Variants in NBEA observed in about 807,000 individuals in gnomAD.
NBEA encodes lysosomal-trafficking regulator 2.
Under a neutral mutation model 343.4 loss-of-function variants are expected in NBEA, and 44 were observed. The observed-to-expected ratio is 0.13, with a 90% CI of 0.10 to 0.16. The LOEUF (loss-of-function observed/expected upper bound fraction) is 0.16. Ranked by LOEUF, NBEA falls within the 10% of genes least tolerant of loss-of-function variation. The probability of loss-of-function intolerance (pLI) is 1.00; values close to 1 mark genes in which losing one functional copy is unlikely to be tolerated. For synonymous variants in NBEA, 1,175 were observed against 1,238.7 expected (o/e 0.95, Z 1.08); for missense variants, 2,555 against 3,631.3 (o/e 0.70, Z 7.62).
intron 48 of NBEA, among the ~76,000 whole-genome samples, chr13:35,623,242 T>G (rs745932527): frequency 9.9e-5 from 15 of 152,164 alleles, no homozygotes; most frequent in Admixed American, 2.0e-4. Context: ...CAAATAGGTT[T>G]GTATATAAAA....
At chr13:35,271,912 A>G (rs2034191049) in intron 34 of NBEA, among the ~76,000 whole-genome samples, 1 of 152,200 alleles carries the variant, frequency 6.6e-6, no homozygotes, top group Admixed American at 6.5e-5. Context: ...AAAGAATGGA[A>G]CCAAGTTAGA....
rs1286256019 is a variant in NBEA at position 35,646,359 on chromosome 13, TC to T, written c.7770+12del. 2 of 1,602,954 alleles carry T rather than the reference TC, an allele frequency of 1.2e-6. No homozygotes were observed. Among genetic ancestry groups the T allele is most frequent in the African/African-American group, 2.7e-5 (2 of 74,684 alleles). On this transcript the variant is annotated intron_variant, in intron 51 of 58. Transcript: ENST00000379939. ...TCTGCCATGCACCTGGTAAGACATA[TC>T]AGCATGTTGAGATTTTTTTTTCTTT...
At chr13:35,600,237 A>G (rs2081988117) in intron 47 of NBEA, among the ~76,000 whole-genome samples, 1 of 152,226 alleles carries the variant, frequency 6.6e-6, no homozygotes, top group African/African-American at 2.4e-5. Flanking sequence ...GCAGCTGGTC[A>G]GAAACCAAAT....
intron 17 of NBEA, among the ~76,000 whole-genome samples, chr13:35,134,475 A>G (rs2067609758): frequency 6.6e-6 from 1 of 151,988 alleles, no homozygotes; most frequent in African/African-American, 2.4e-5. Flanking sequence ...AAATAAAAAA[A>G]GAAATTATGC....
At chr13:35,361,759 C>G (rs1207109199) in intron 38 of NBEA, among the ~76,000 whole-genome samples, 2 of 151,880 alleles carry the variant, frequency 1.3e-5, no homozygotes, top group African/African-American at 2.4e-5. Flanking sequence ...AAACCATAGA[C>G]TGGGAAAAAA....
intron 18 of NBEA, among the ~76,000 whole-genome samples, chr13:35,143,903 CA>C (rs78818842): frequency 0.042 from 5,491 of 129,450 alleles, 178 homozygotes; most frequent in African/African-American, 0.092. Context: ...AAAAAAAAAA[CA>C]AAAAAAAAAA....
chr13:35,184,875 T>C (rs1164678280), intron 30 of NBEA, among the ~76,000 whole-genome samples: 1 of 152,258 alleles, frequency 6.6e-6, no homozygotes, highest in African/African-American at 2.4e-5. Flanking sequence ...CTGTGATAGC[T>C]CCAAGATTTT....
At position 35,161,912 on chromosome 13, in the gene NBEA, C is replaced by T. The variant is rs752210726; in HGVS notation, c.4024C>T (p.Arg1342Trp). ...GTTTAAATGGTCTCCAATGCACCAG[C>T]GGCTTCTCACTGATTTACTATTTGC... ...PEFKWSPMHQ[R>W]LLTDLLFALE... The change falls in exon 23 of 59, where the codon CGG becomes TGG. Residue 1342 changes from arginine (R) to tryptophan (W), a missense_variant. Arg to Trp is a moderately radical substitution (Grantham distance 101). Around this residue, in one of 21 missense-constraint regions of NBEA, gnomAD observed 69 missense variants for 128.8 expected, o/e 0.54. Transcript: ENST00000379939. The T allele has an allele frequency of 8.9e-6, 14 of 1,566,816 alleles. No individual in the cohort carries two copies. Among genetic ancestry groups the T allele is most frequent in the African/African-American group, 1.4e-5 (1 of 73,592 alleles).
intron 38 of NBEA, among the ~76,000 whole-genome samples, chr13:35,372,371 G>A (rs1170965295): frequency 6.6e-6 from 1 of 152,176 alleles, no homozygotes; most frequent in African/African-American, 2.4e-5. Flanking sequence ...GCCCCCATGG[G>A]AAGTACTCAG....
chr13:35,627,714 CTG>C (rs1233385861), intron 48 of NBEA, among the ~76,000 whole-genome samples: 2 of 151,962 alleles, frequency 1.3e-5, no homozygotes, highest in Non-Finnish European at 2.9e-5. Context: ...AGAAATGAAA[CTG>C]TAACATGGTA....
intron 1 of NBEA, among the ~76,000 whole-genome samples, chr13:34,971,821 T>C (rs1305415466): frequency 5.6e-5 from 8 of 142,166 alleles, no homozygotes; most frequent in Admixed American, 4.8e-4. Flanking sequence ...TTTCTTTTCT[T>C]TTTTTTTTTT....
intron 1 of NBEA, among the ~76,000 whole-genome samples, chr13:35,010,792 G>C (rs2061472778): frequency 7.4e-6 from 1 of 134,526 alleles, no homozygotes; most frequent in South Asian, 2.4e-4. Flanking sequence ...GCTGGGTGTG[G>C]TGGTGCACAC....
At chr13:35,118,586 T>C in intron 16 of NBEA, 112 bp downstream of exon 16, 1 of 789,510 alleles carries the variant, frequency 1.3e-6, no homozygotes, top group African/African-American at 1.7e-5. Context: ...GTCTTGCACA[T>C]AAGAGAATAA....
intron 34 of NBEA, among the ~76,000 whole-genome samples, chr13:35,285,301 A>C (rs2035348264): frequency 6.6e-6 from 1 of 152,106 alleles, no homozygotes; most frequent in Non-Finnish European, 1.5e-5. Context: ...ACTCCAGCCC[A>C]GGTGACAGAG....
At chr13:35,547,744 C>T (rs181152539) in intron 41 of NBEA, among the ~76,000 whole-genome samples, 181 of 152,070 alleles carry the variant, frequency 1.2e-3, no homozygotes, top group Non-Finnish European at 8.1e-4. Context: ...AAAAATTAGC[C>T]GGATGGTAAT....
rs531914508 is a variant in NBEA at position 35,599,811 on chromosome 13, A to C, written c.7296+6364A>C. On this transcript the variant is annotated intron_variant, in intron 47 of 58. Coordinates refer to ENST00000379939, the MANE Select transcript of NBEA (RefSeq NM_001385012.1). Reference sequence around the variant, plus strand: ...CTATGAGAAAACTCTGTGAGTTACCAATTTAAAAAATACTTTAAGTACTAG... The same window carrying C: ...CTATGAGAAAACTCTGTGAGTTACCCATTTAAAAAATACTTTAAGTACTAG... Among the ~76,000 whole-genome samples, 5 of 152,354 alleles carry C rather than the reference A, an allele frequency of 3.3e-5. No homozygotes were observed. The East Asian group carries it at 5.8e-4, about 18-fold the overall frequency.
chr13:35,349,878 G>A (rs571699876), intron 37 of NBEA, among the ~76,000 whole-genome samples: 2 of 152,140 alleles, frequency 1.3e-5, no homozygotes, highest in South Asian at 4.2e-4. Flanking sequence ...TAGGTCTAGT[G>A]ATCTCTGACC....
chr13:35,627,990 T>TTTA (rs2083299376), intron 48 of NBEA, 91 bp from the exon 49 acceptor site: 5 of 945,344 alleles, frequency 5.3e-6, no homozygotes, highest in Non-Finnish European at 7.6e-6. Context: ...ATTCTCCTTT[T>TTTA]TATATATATT....
chr13:35,016,499 T>A (rs1393712436), intron 1 of NBEA, among the ~76,000 whole-genome samples: 1 of 151,972 alleles, frequency 6.6e-6, no homozygotes, highest in Non-Finnish European at 1.5e-5. Context: ...TGCAAACTGT[T>A]ATCTATCAGG....
Sources: allele counts gnomAD v4.1 joint callset (sites outside exome capture counted in the v4.1 genomes callset), GRCh38; gene constraint gnomAD v4.1.1; regional missense constraint gnomAD v4.1.1; transcripts MANE v1.5; gene names NCBI Gene and HGNC (gene_info 2026-07-23, HGNC 2026-07-21).